Variants in TNXB observed in about 807,000 individuals in gnomAD.
TNXB encodes tenascin XB.
TNXB carries 183 observed loss-of-function variants against 340.5 expected under a neutral mutation model. The ratio of observed to expected loss-of-function variants is 0.54; its 90% CI spans 0.48 to 0.61. The LOEUF (loss-of-function observed/expected upper bound fraction) is 0.61, where lower values mean the gene tolerates loss of function less well. TNXB is among the 20% of genes least tolerant of loss of function. TNXB has a pLI of 0.00. For synonymous variants in TNXB, 2,121 were observed against 2,314.5 expected (o/e 0.92, Z 2.40); for missense variants, 4,613 against 5,446.4 (o/e 0.85, Z 4.82).
At position 32,068,536 on chromosome 6, in the gene TNXB, T is replaced by A. The variant is rs201397168; in HGVS notation, c.6074A>T (p.Asp2025Val). Residue 2025 changes from aspartate to valine, a missense_variant, in exon 17 of 44, where the codon GAT becomes GTT. By Grantham distance (152) the Asp-to-Val change is radical. This residue lies in a region of TNXB where 4,327 missense variants were observed against 4,859.4 expected (regional missense o/e 0.89). Coordinates refer to ENST00000644971, the MANE Select transcript of TNXB (RefSeq NM_001365276.2). The surrounding 1 kb of genome is among the most constrained non-coding windows in gnomAD (Gnocchi z 5.3). The part of the protein sequence containing the change: ...DHFLVQYRNG[D>V]GQPKAVRVPG... ...CACCCTCACTGCCTTGGGCTGCCCATCTCCATTCCTGTACTGGACCAGGAA... is the reference window on the plus strand; with the variant it reads ...CACCCTCACTGCCTTGGGCTGCCCAACTCCATTCCTGTACTGGACCAGGAA... The A allele has an allele frequency of 5.0e-4, 807 of 1,613,814 alleles. 7 individuals carry two copies. Among genetic ancestry groups the A allele is most frequent in the Admixed American group, 4.3e-4 (26 of 60,004 alleles).
chr6:32,066,375 T>C (rs1292448321), intron 18 of TNXB, among the ~76,000 whole-genome samples: 20 of 151,988 alleles, frequency 1.3e-4, no homozygotes, highest in Middle Eastern at 3.4e-3. Context: ...GCCTGGGCAA[T>C]AGAGTGGGAA....
At chr6:32,059,742 C>T (rs866093189) in intron 21 of TNXB, among the ~76,000 whole-genome samples, 44 of 152,110 alleles carry the variant, frequency 2.9e-4, no homozygotes, top group African/African-American at 1.0e-3. Flanking sequence ...CCCCAGGAAT[C>T]GGGGATGCCG....
At position 32,069,195 on chromosome 6, in the gene TNXB, A is replaced by T. The variant is rs1457992225; in HGVS notation, c.5588-59T>A. On this transcript the variant is annotated intron_variant, in intron 15 of 43. Coordinates refer to ENST00000644971, the MANE Select transcript of TNXB (RefSeq NM_001365276.2). The surrounding 1 kb of genome is among the most constrained non-coding windows in gnomAD (Gnocchi z 6.2). ...GGTGTGTCGCTGCACCCAGACTCTC[A>T]GGAGGAGTGAGGGAGGAGAGGGAGT... is the stretch of plus-strand genomic sequence containing the variant. The T allele has an allele frequency of 5.3e-6, 8 of 1,505,704 alleles. No homozygotes were observed. The African/African-American group carries it at 9.6e-5, about 18-fold the overall frequency. The allele number at this position is 1,505,704 out of a possible 1,614,324, so 93.3% of individuals were successfully genotyped here.
In TNXB at chr6:32,074,976, G is replaced by A. The variant is rs1779003240; in HGVS notation, c.4376-1024C>T. 6.6e-6 allele frequency among the ~76,000 whole-genome samples: 1 copy of A among 152,220 alleles called. No homozygotes were observed. The highest frequency in any genetic ancestry group is 6.5e-5 in the Admixed American group (1 of 15,284). On this transcript the variant is annotated intron_variant, in intron 11 of 43. Transcript: ENST00000644971. The surrounding 1 kb of genome is among the most constrained non-coding windows in gnomAD (Gnocchi z 5.5). ...ATTACAGGCATGATCCTCCACGCCT[G>A]ACCAGGATTACAACTTCATTCTTCC...
rs952227873 is a variant in TNXB at position 32,089,096 on chromosome 6, T to C, written c.2516-48A>G. On this transcript the variant is annotated intron_variant, in intron 5 of 43. Coordinates refer to ENST00000644971, the MANE Select transcript of TNXB (RefSeq NM_001365276.2). The surrounding 1 kb of genome is among the most constrained non-coding windows in gnomAD (Gnocchi z 6.2). ...CTCAGGTGGGTGTCTGGTTCTTCAA[T>C]CATCATCTTTCCTTCCAAGAGCCTA... 2.5e-6 allele frequency: 4 copies of C among 1,592,602 alleles called. No individual in the cohort carries two copies. The African/African-American group carries it at 4.0e-5, about 16-fold the overall frequency.
At position 32,062,528 on chromosome 6, in the gene TNXB, T is replaced by C. The variant is rs767200907; in HGVS notation, c.6842-45A>G. ...GGGTGGGCATGCCTGGTGGGCCTCC[T>C]TTTAACCAAGGGACTCTGGGATTCT... is the stretch of plus-strand genomic sequence containing the variant. On this transcript the variant is annotated intron_variant, in intron 19 of 43. Coordinates refer to ENST00000644971, the MANE Select transcript of TNXB (RefSeq NM_001365276.2). The surrounding 1 kb of genome is among the most constrained non-coding windows in gnomAD (Gnocchi z 4.3). The C allele has an allele frequency of 3.3e-6, 5 of 1,518,900 alleles. No individual in the cohort carries two copies. Among genetic ancestry groups the C allele is most frequent in the Admixed American group, 2.0e-5 (1 of 49,600 alleles). The allele number at this position is 1,518,900 out of a possible 1,614,324, so 94.1% of individuals were successfully genotyped here.
chr6:32,048,460 G>A lies in TNXB; in HGVS notation c.9948C>T (p.Ala3316=), dbSNP rs758331861. The change falls in exon 29 of 44, where the codon GCC becomes GCT. Residue 3316 remains alanine (A), a synonymous_variant. Transcript: ENST00000644971. The stretch of plus-strand genomic sequence containing the variant: ...TGCGGGCCGGGTCCAGCCCCGAGAC[G>A]GCGACCGCTCGGAGGTCTCCGCTCA... ...VPVSGDLRAV[A]VSGLDPARKY... 6.9e-6 allele frequency: 11 copies of A among 1,590,644 alleles called. No individual in the cohort carries two copies. Among genetic ancestry groups the A allele is most frequent in the South Asian group, 4.5e-5 (4 of 88,352 alleles).
chr6:32,106,859 T>C (rs751265398), intron 1 of TNXB, among the ~76,000 whole-genome samples: 2 of 152,252 alleles, frequency 1.3e-5, no homozygotes, highest in Non-Finnish European at 2.9e-5. Flanking sequence ...TGCACAAAGA[T>C]GTGTACACAT....
In TNXB at chr6:32,051,123, C is replaced by A. The variant is rs1777260892; in HGVS notation, c.9116-802G>T. Among the ~76,000 whole-genome samples the A allele has an allele frequency of 6.6e-6, 1 of 152,268 alleles. No individual in the cohort carries two copies. The highest frequency in any genetic ancestry group is 2.4e-5 in the African/African-American group (1 of 41,474). ...TGGCCTTTGCACCACCTGTGCTGAT[C>A]TGACACGCTTCACCTTCTCTCTAAA... is the stretch of plus-strand genomic sequence containing the variant. On this transcript the variant is annotated intron_variant, in intron 26 of 43. Transcript: ENST00000644971. The surrounding 1 kb of genome is among the most constrained non-coding windows in gnomAD (Gnocchi z 4.7).
chr6:32,060,652 C>CT (rs973541449), intron 21 of TNXB, among the ~76,000 whole-genome samples: 4 of 151,770 alleles, frequency 2.6e-5, no homozygotes, highest in Non-Finnish European at 5.9e-5. Flanking sequence ...CCTTTTTCTT[C>CT]TTTTTTGAGA....
chr6:32,095,069 C>G lies in TNXB; in HGVS notation c.2358+7G>C. On this transcript the variant is annotated splice_region_variant and intron_variant, in intron 4 of 43. Transcript: ENST00000644971. ...AGTCCCCTCCTGGAGCCTGGCATCT[C>G]TCTCACCGTGGGGATGAACTGAATT... 4 of 1,547,256 alleles carry G rather than the reference C, an allele frequency of 2.6e-6. No individual in the cohort carries two copies. The highest frequency in any genetic ancestry group is 3.5e-6 in the Non-Finnish European group (4 of 1,145,068).
At chr6:32,057,112 C>A (rs1777709926) in intron 22 of TNXB, among the ~76,000 whole-genome samples, 1 of 151,966 alleles carries the variant, frequency 6.6e-6, no homozygotes, top group Non-Finnish European at 1.5e-5. Context: ...CTCACCCCCA[C>A]CTCCCAACAC....
At position 32,081,227 on chromosome 6, in the gene TNXB, C is replaced by G; in HGVS notation, c.4042+141G>C. ...ACCTGGCATGCAGAGGACAGGAGAG[C>G]AGTGCGGGAGGAAGTGGGTGGAGGC... On this transcript the variant is annotated intron_variant, in intron 10 of 43. Transcript: ENST00000644971. The surrounding 1 kb of genome is among the most constrained non-coding windows in gnomAD (Gnocchi z 5.1). 1.4e-6 allele frequency: 1 copy of G among 739,726 alleles called. No individual in the cohort carries two copies. 45.8% of individuals were successfully genotyped at this position (739,726 alleles called of 1,614,324 possible).
intron 36 of TNXB, 31 bp from the exon 37 acceptor site, chr6:32,043,349 G>T: frequency 2.5e-6 from 1 of 407,878 alleles, no homozygotes; most frequent in Non-Finnish European, 4.2e-6. Flanking sequence ...ATCAAGGCCT[G>T]CCCCCTCCAT....
At chr6:32,060,292 A>G (rs1342295197) in intron 21 of TNXB, among the ~76,000 whole-genome samples, 2 of 151,464 alleles carry the variant, frequency 1.3e-5, no homozygotes, top group Non-Finnish European at 2.9e-5. Context: ...AGATCATGCC[A>G]TTGCACTCCA....
At position 32,047,265 on chromosome 6, in the gene TNXB, G is replaced by A. The variant is rs568620237; in HGVS notation, c.10324+469C>T. Among the ~76,000 whole-genome samples the A allele has an allele frequency of 1.3e-5, 2 of 152,388 alleles. No homozygotes were observed. The highest frequency in any genetic ancestry group is 1.3e-4 in the Admixed American group (2 of 15,310). ...GGTGACCCACCACACCCCTTCCTCA[G>A]GGAGCTGAGTCATAGGCATAGTGAC... is the stretch of plus-strand genomic sequence containing the variant. On this transcript the variant is annotated intron_variant, in intron 30 of 43. Transcript: ENST00000644971. This position sits in a 1 kb window ranked among gnomAD's most constrained non-coding sequence, Gnocchi z 6.2.
intron 11 of TNXB, among the ~76,000 whole-genome samples, chr6:32,076,386 C>T (rs1011507814): frequency 6.6e-6 from 1 of 152,224 alleles, no homozygotes; most frequent in African/African-American, 2.4e-5. Context: ...CCCAGCTTGG[C>T]GGACTCCAGC....
At chr6:32,102,291 C>T (rs1021197023) in intron 1 of TNXB, among the ~76,000 whole-genome samples, 5 of 152,130 alleles carry the variant, frequency 3.3e-5, no homozygotes, top group African/African-American at 1.2e-4. Flanking sequence ...ACTAAATATC[C>T]GGTGGGAATG....
At position 32,043,067 on chromosome 6, in the gene TNXB, G is replaced by T. The variant is rs1332383364; in HGVS notation, c.11809C>A (p.Arg3937=). 2 of 199,012 alleles carry T rather than the reference G, an allele frequency of 1.0e-5. No individual in the cohort carries two copies. Among genetic ancestry groups the T allele is most frequent in the Non-Finnish European group, 1.7e-5 (2 of 114,600 alleles). The allele number at this position is 199,012 out of a possible 1,614,324, so 12.3% of individuals were successfully genotyped here. The change falls in exon 38 of 44, where the codon CGG becomes AGG. Residue 3937 remains arginine (R), a synonymous_variant. Transcript: ENST00000644971. ...ITFTTGLEAP[R]DLEAKEVTPR... ...GTCACTTCCTTGGCCTCCAAGTCCCGAGGGGCCTCTAGCCCTAGGAGGGAA... is the reference window on the plus strand; with the variant it reads ...GTCACTTCCTTGGCCTCCAAGTCCCTAGGGGCCTCTAGCCCTAGGAGGGAA...
Sources: gnomAD v4.1 joint callset for allele counts (sites outside exome capture counted in the v4.1 genomes callset) on GRCh38, gnomAD v4.1.1 for gene constraint, gnomAD v4.1.1 regional missense constraint, Gnocchi (gnomAD v3.1) non-coding constraint, MANE v1.5 for transcripts, NCBI Gene and HGNC (gene_info 2026-07-23, HGNC 2026-07-21) for gene names.